Variants in RSBN1 observed in about 807,000 individuals in gnomAD.
RSBN1 encodes lysine-specific demethylase 9.
A neutral mutation model predicts 74.8 loss-of-function variants in RSBN1; 23 were observed. That is an observed-to-expected ratio of 0.31 (90% confidence interval 0.22 to 0.44). The LOEUF is 0.44. Among genes scored for constraint, RSBN1 ranks in the 20% least tolerant of loss-of-function variants. The pLI is 1.00. For missense variants in RSBN1, 808 were observed against 1,020.9 expected, an observed-to-expected ratio of 0.79 and a Z score of 2.84; for synonymous variants, 407 against 379.6, an observed-to-expected ratio of 1.07 and a Z score of -0.84.
At chr1:113,770,195 TAAGA>T (rs1048709452) in intron 4 of RSBN1, among the ~76,000 whole-genome samples, 4 of 152,182 alleles carry the variant, frequency 2.6e-5, no homozygotes, top group African/African-American at 9.7e-5. Flanking sequence ...TCCTAGCTCC[TAAGA>T]AAGAAGTACA....
At chr1:113,767,019 T>A in intron 6 of RSBN1, 80 bp downstream of exon 6, 1 of 729,294 alleles carries the variant, frequency 1.4e-6, no homozygotes, top group Non-Finnish European at 2.2e-6. Context: ...CATATCAGAC[T>A]GTAAGATAAA....
chr1:113,812,184 G>A lies in RSBN1; in HGVS notation c.229C>T (p.His77Tyr). The A allele has an allele frequency of 6.2e-7, 1 of 1,608,824 alleles. No homozygotes were observed. Among genetic ancestry groups the A allele is most frequent in the Non-Finnish European group, 8.5e-7 (1 of 1,179,850 alleles). Residue 77 changes from histidine (H) to tyrosine (Y), a missense_variant, in exon 1 of 7, where the codon CAT becomes TAT. His to Tyr is a moderately conservative substitution (Grantham distance 83). Around this residue, in one of 6 missense-constraint regions of RSBN1, gnomAD observed 464 missense variants for 401.0 expected, o/e 1.16. Transcript: ENST00000261441. ...EPDKEGKEKP[H>Y]AGVSPRGVKR... is the part of the protein sequence containing the mutation. ...ACTCCCCGCGGGGAGACCCCAGCATGAGGTTTCTCCTTCCCCTCTTTGTCC... is the reference window on the plus strand; with the variant it reads ...ACTCCCCGCGGGGAGACCCCAGCATAAGGTTTCTCCTTCCCCTCTTTGTCC...
chr1:113,790,919 T>C (rs538574617), intron 2 of RSBN1, among the ~76,000 whole-genome samples: 9 of 152,348 alleles, frequency 5.9e-5, no homozygotes, highest in Non-Finnish European at 7.3e-5. Context: ...CTAATGTATA[T>C]TTGAACTAGC....
chr1:113,798,272 G>A (rs1238112345), intron 1 of RSBN1, among the ~76,000 whole-genome samples: 1 of 152,010 alleles, frequency 6.6e-6, no homozygotes, highest in African/African-American at 2.4e-5. Context: ...ACTGATAATG[G>A]AGAAAAATCA....
rs1001246502 is a variant in RSBN1 at position 113,764,929 on chromosome 1, T to C, written c.*1051A>G. On this transcript the variant is annotated 3_prime_UTR_variant, in exon 7 of 7. Transcript: ENST00000261441. ...GCCTACCTGAAACTCTAGGATGAAG[T>C]CTAGTGCTGTATTCTTTCTTAGAAA... The C allele has an allele frequency of 6.6e-6, 1 of 152,280 alleles. No homozygotes were observed. Among genetic ancestry groups the C allele is most frequent in the Non-Finnish European group, 1.5e-5 (1 of 68,000 alleles). The allele number at this position is 152,280 out of a possible 1,614,324, so 9.4% of individuals were successfully genotyped here. A position where few individuals can be genotyped will look rare whatever the true frequency, so the allele number is the denominator to read the frequency against.
At chr1:113,789,418 C>T (rs546565884) in intron 2 of RSBN1, among the ~76,000 whole-genome samples, 2 of 152,282 alleles carry the variant, frequency 1.3e-5, no homozygotes, top group South Asian at 4.1e-4. Flanking sequence ...CTGTGTATCT[C>T]TTCATATGGC....
In RSBN1 at chr1:113,811,811, T is replaced by C. The variant is rs199843404; in HGVS notation, c.602A>G (p.Asp201Gly). Residue 201 changes from aspartate (D) to glycine (G), a missense_variant, in exon 1 of 7, where the codon GAT (aspartate) becomes GGT (glycine). Coordinates refer to ENST00000261441, the MANE Select transcript of RSBN1 (RefSeq NM_018364.5). ...RHKHHHHRGP[D>G]GDPSSCGTDL... The stretch of plus-strand genomic sequence containing the variant: ...GGTTCCGCAGGAGCTGGGATCACCA[T>C]CGGGGCCGCGGTGGTGATGGTGCTT... The C allele has an allele frequency of 8.0e-5, 129 of 1,613,776 alleles. 2 individuals carry two copies. In the Admixed American group the frequency reaches 2.1e-3, roughly 26 times the overall value.
At chr1:113,799,077 C>T (rs1045211713) in intron 1 of RSBN1, among the ~76,000 whole-genome samples, 1 of 152,172 alleles carries the variant, frequency 6.6e-6, no homozygotes, top group African/African-American at 2.4e-5. Context: ...TATACCTTAC[C>T]TTTCTCTCCT....
In RSBN1 at chr1:113,768,212, A is replaced by G. The variant is rs779254772; in HGVS notation, c.1826+10T>C. 19 of 1,596,312 alleles carry G rather than the reference A, an allele frequency of 1.2e-5. No individual in the cohort carries two copies. The highest frequency in any genetic ancestry group is 1.5e-5 in the Non-Finnish European group (18 of 1,170,972). On this transcript the variant is annotated intron_variant, in intron 5 of 6. Transcript: ENST00000261441. ...TTAACCAACCTTGCAGTTGAGTTCAATTAACTCACCATTCACCAAATTGTA... is the reference window on the plus strand; with the variant it reads ...TTAACCAACCTTGCAGTTGAGTTCAGTTAACTCACCATTCACCAAATTGTA...
chr1:113,766,492 GTAA>G, intron 6 of RSBN1, 39 bp from the exon 7 acceptor site: 1 of 1,297,546 alleles, frequency 7.7e-7, no homozygotes, highest in Non-Finnish European at 1.1e-6. Context: ...TTTAAAATAT[GTAA>G]TAATTTAGTC....
chr1:113,778,434 A>G (rs1170631634), intron 2 of RSBN1, among the ~76,000 whole-genome samples: 1 of 152,022 alleles, frequency 6.6e-6, no homozygotes, highest in Non-Finnish European at 1.5e-5. Flanking sequence ...AGTAGCTGGA[A>G]TTACAGGTGT....
intron 4 of RSBN1, among the ~76,000 whole-genome samples, chr1:113,772,055 T>C (rs917400688): frequency 6.6e-6 from 1 of 152,084 alleles, no homozygotes; most frequent in African/African-American, 2.4e-5. Context: ...TGATATAACA[T>C]TGAAACCTTA....
At chr1:113,807,490 T>G (rs986447213) in intron 1 of RSBN1, among the ~76,000 whole-genome samples, 3 of 151,950 alleles carry the variant, frequency 2.0e-5, no homozygotes, top group African/African-American at 4.8e-5. Context: ...CCGGGCGCAG[T>G]GGCTCACGCC....
rs560542718 is a variant in RSBN1 at position 113,776,018 on chromosome 1, G to A, written c.1658+1192C>T. 8.0e-4 allele frequency among the ~76,000 whole-genome samples: 122 copies of A among 152,222 alleles called. 1 individual carries two copies. The highest frequency in any genetic ancestry group is 2.3e-3 in the South Asian group (11 of 4,814). The stretch of plus-strand genomic sequence containing the variant: ...GCACTTATTTTGAATTGCTATTTTC[G>A]TAGTCTAAGCAGGTATAGATCATTT... On this transcript the variant is annotated intron_variant, in intron 4 of 6. Coordinates refer to ENST00000261441, the MANE Select transcript of RSBN1 (RefSeq NM_018364.5).
intron 2 of RSBN1, among the ~76,000 whole-genome samples, chr1:113,794,207 T>C (rs1004119492): frequency 6.6e-6 from 1 of 152,180 alleles, no homozygotes; most frequent in Non-Finnish European, 1.5e-5. Context: ...CTTTTCTCTC[T>C]AATGTCAGTA....
intron 2 of RSBN1, among the ~76,000 whole-genome samples, chr1:113,795,151 T>C (rs1409115104): frequency 6.6e-6 from 1 of 152,226 alleles, no homozygotes; most frequent in Admixed American, 6.5e-5. Flanking sequence ...TTAATTTCAC[T>C]GACCAGAGTG....
At chr1:113,784,376 T>C (rs914885283) in intron 2 of RSBN1, among the ~76,000 whole-genome samples, 6 of 152,198 alleles carry the variant, frequency 3.9e-5, no homozygotes, top group Non-Finnish European at 8.8e-5. Flanking sequence ...TGACATAGCC[T>C]ATTGCTCCTA....
At position 113,797,365 on chromosome 1, in the gene RSBN1, G is replaced by T. The variant is rs1377977497; in HGVS notation, c.1375C>A (p.Gln459Lys). 6.9e-6 allele frequency: 11 copies of T among 1,604,632 alleles called. No individual in the cohort carries two copies. Among genetic ancestry groups the T allele is most frequent in the Non-Finnish European group, 9.4e-6 (11 of 1,176,320 alleles). ...TTTAACAACAATTTTTATCTTACCT[G>T]AGTGTGAAAATTTGAAATGGTGGTT... ...ETTTISNFHT[Q>K]VNRTYCCGTY... The change falls in exon 2 of 7, where the codon CAG becomes AAG. Residue 459 changes from glutamine (Q) to lysine (K), a missense_variant and splice_region_variant. Gln to Lys is a moderately conservative substitution (Grantham distance 53). Coordinates refer to ENST00000261441, the MANE Select transcript of RSBN1 (RefSeq NM_018364.5).
In RSBN1 at chr1:113,773,872, G is replaced by A. The variant is rs568365917; in HGVS notation, c.1658+3338C>T. ...ACAAAAGTTAGCTGGGCATGGTGGTGCATGCCTGTAGTCCCAGCTACTCGG... is the reference window on the plus strand; with the variant it reads ...ACAAAAGTTAGCTGGGCATGGTGGTACATGCCTGTAGTCCCAGCTACTCGG... On this transcript the variant is annotated intron_variant, in intron 4 of 6. Transcript: ENST00000261441. 2.6e-5 allele frequency among the ~76,000 whole-genome samples: 4 copies of A among 151,908 alleles called. No individual in the cohort carries two copies. In the East Asian group the frequency reaches 5.9e-4, roughly 22 times the overall value.
Sources: allele counts gnomAD v4.1 joint callset (sites outside exome capture counted in the v4.1 genomes callset), GRCh38; gene constraint gnomAD v4.1.1; regional missense constraint gnomAD v4.1.1; transcripts MANE v1.5; gene names NCBI Gene and HGNC (gene_info 2026-07-23, HGNC 2026-07-21).